The following CACNA1S variants were observed in gnomAD, a reference collection of about 807,000 sequenced individuals.
CACNA1S encodes voltage-dependent L-type calcium channel subunit alpha-1S.
In CACNA1S, 126 loss-of-function variants were observed where a neutral mutation model predicts 207.4. The observed-to-expected ratio is 0.61, with a 90% CI of 0.53 to 0.70. The LOEUF is 0.70. Among genes scored for constraint, CACNA1S ranks in the 30% least tolerant of loss-of-function variants. The probability of loss-of-function intolerance (pLI) is 0.00; values close to 1 mark genes in which losing one functional copy is unlikely to be tolerated. For synonymous variants in CACNA1S, 960 were observed against 932.7 expected (o/e 1.03, Z -0.53); for missense variants, 2,349 against 2,422.8 (o/e 0.97, Z 0.64).
chr1:201,078,226 G>A (rs1661704654), intron 10 of CACNA1S, 122 bp from the exon 11 acceptor site: 2 of 808,146 alleles, frequency 2.5e-6, no homozygotes, highest in Non-Finnish European at 2.2e-6. Flanking sequence ...CACCATGGAT[G>A]TTTTTTGGGG....
At chr1:201,048,776 C>CG in intron 35 of CACNA1S, 92 bp from the exon 36 acceptor site, 1 of 1,158,214 alleles carries the variant, frequency 8.6e-7, no homozygotes, top group South Asian at 1.2e-5. Flanking sequence ...CGGGAGGGGA[C>CG]GGGACACGAG....
intron 41 of CACNA1S, 110 bp downstream of exon 41, chr1:201,041,394 T>C: frequency 1.2e-6 from 1 of 816,598 alleles, no homozygotes; most frequent in Admixed American, 2.0e-5. Context: ...TGTAACAGGC[T>C]CCCAAGCCAG....
In CACNA1S at chr1:201,061,257, G is replaced by A. The variant is rs1572035084; in HGVS notation, c.3255+10C>T. The A allele has an allele frequency of 5.0e-6, 8 of 1,613,258 alleles. No individual in the cohort carries two copies. The highest frequency in any genetic ancestry group is 5.9e-6 in the Non-Finnish European group (7 of 1,179,218). On this transcript the variant is annotated intron_variant, in intron 25 of 43. Coordinates refer to ENST00000362061, the MANE Select transcript of CACNA1S (RefSeq NM_000069.3). ...CTCTGCCCTCCACCTCTGGCAGGCAGCCCAGGCACCTGGTTCTTGTCCAGC... is the reference window on the plus strand; with the variant it reads ...CTCTGCCCTCCACCTCTGGCAGGCAACCCAGGCACCTGGTTCTTGTCCAGC...
At chr1:201,056,630 AT>A (rs1660854522) in intron 28 of CACNA1S, among the ~76,000 whole-genome samples, 1 of 152,190 alleles carries the variant, frequency 6.6e-6, no homozygotes, top group Admixed American at 6.5e-5. Context: ...CCCTCCCAGG[AT>A]GCCACTTGGG....
At chr1:201,052,116 A>G (rs767099849) in intron 32 of CACNA1S, among the ~76,000 whole-genome samples, 7 of 152,184 alleles carry the variant, frequency 4.6e-5, no homozygotes, top group Non-Finnish European at 1.0e-4. Context: ...TCCAAGCTCT[A>G]GCTCCTGTGC....
chr1:201,051,357 AG>A (rs1455385552), intron 32 of CACNA1S, among the ~76,000 whole-genome samples: 4 of 152,220 alleles, frequency 2.6e-5, no homozygotes, highest in African/African-American at 4.8e-5. Flanking sequence ...TGTTACAAGC[AG>A]GAGCTAAACT....
At chr1:201,071,428 C>T (rs1038403199) in intron 16 of CACNA1S, among the ~76,000 whole-genome samples, 1 of 152,188 alleles carries the variant, frequency 6.6e-6, no homozygotes, top group Admixed American at 6.5e-5. Flanking sequence ...ATCGCAGAGA[C>T]CATTAATTCT....
intron 12 of CACNA1S, 31 bp from the exon 13 acceptor site, chr1:201,075,646 A>G: frequency 6.2e-7 from 1 of 1,612,558 alleles, no homozygotes; most frequent in Non-Finnish European, 8.5e-7. Flanking sequence ...GGGCTCGGGA[A>G]CACAGAGGGG....
chr1:201,077,760 A>G, intron 11 of CACNA1S, 119 bp downstream of exon 11: 1 of 658,632 alleles, frequency 1.5e-6, no homozygotes, highest in South Asian at 1.9e-5. Context: ...AAGTCTGGGC[A>G]AGGGACCAGT....
chr1:201,058,578 A>G, intron 27 of CACNA1S, 87 bp from the exon 28 acceptor site: 1 of 1,090,910 alleles, frequency 9.2e-7, no homozygotes, highest in Non-Finnish European at 1.4e-6. Context: ...GTCCCACCCG[A>G]GCTAATGCGG....
rs532682599 is a variant in CACNA1S at position 201,057,324 on chromosome 1, C to T, written c.3609+1084G>A. Among the ~76,000 whole-genome samples the T allele has an allele frequency of 2.6e-5, 4 of 152,372 alleles. 1 individual carries two copies. The highest frequency in any genetic ancestry group is 4.1e-4 in the South Asian group (2 of 4,832). On this transcript the variant is annotated intron_variant, in intron 28 of 43. Coordinates refer to ENST00000362061, the MANE Select transcript of CACNA1S (RefSeq NM_000069.3). ...CGTGTTCTGCCAACACTCTGGCCCC[C>T]GTTCTGGCATGGCTCATGCCCTTGC... is the stretch of plus-strand genomic sequence containing the variant.
At chr1:201,086,069 C>A (rs1291984573) in intron 7 of CACNA1S, among the ~76,000 whole-genome samples, 1 of 152,184 alleles carries the variant, frequency 6.6e-6, no homozygotes, top group Non-Finnish European at 1.5e-5. Context: ...CCCAAGGCTC[C>A]ATGAGGGATC....
Position 201,053,495 on chromosome 1 carries a change from C to A in CACNA1S, c.3759G>T (p.Val1253=), listed in dbSNP as rs1660730013. The A allele has an allele frequency of 4.3e-6, 7 of 1,614,066 alleles. No homozygotes were observed. Among genetic ancestry groups the A allele is most frequent in the Non-Finnish European group, 5.9e-6 (7 of 1,180,030 alleles). ...LIKLLSRAEG[V]RTLLWTFIKS... ...TGATGAACGTCCACAGGAGGGTTCG[C>A]ACTCCTTCTGCCCGGCTCAGCAGCT... The change falls in exon 30 of 44, where the codon GTG becomes GTT. Residue 1253 remains valine (V), a synonymous_variant. Transcript: ENST00000362061. The surrounding 1 kb of genome is among the most constrained non-coding windows in gnomAD (Gnocchi z 5.1).
Position 201,047,601 on chromosome 1 carries a change from C to T in CACNA1S, c.4467G>A (p.Glu1489=), listed in dbSNP as rs1293597531. The T allele has an allele frequency of 7.4e-6, 12 of 1,614,202 alleles. No individual in the cohort carries two copies. Among genetic ancestry groups the T allele is most frequent in the African/African-American group, 1.3e-5 (1 of 75,068 alleles). The part of the protein sequence containing the change: ...TEGNFEQANE[E]LRAIIKKIWK... ...AGATCTTCTTGATGATGGCCCTCAG[C>T]TCCTCGTTGGCCTGCTCAAAGTTAC... The change falls in exon 37 of 44, where the codon GAG becomes GAA. Residue 1489 remains glutamate, a synonymous_variant. Transcript: ENST00000362061.
At chr1:201,043,239 C>G in intron 40 of CACNA1S, 42 bp downstream of exon 40, 2 of 1,613,614 alleles carry the variant, frequency 1.2e-6, no homozygotes, top group Non-Finnish European at 1.7e-6. Context: ...ACATTGTCCT[C>G]CCAGTACCTC....
intron 12 of CACNA1S, among the ~76,000 whole-genome samples, chr1:201,075,994 G>A (rs557598025): frequency 6.6e-6 from 1 of 152,306 alleles, no homozygotes; most frequent in African/African-American, 2.4e-5. Context: ...CTTGAACCCA[G>A]GAGGTGGAGG....
At position 201,039,568 on chromosome 1, in the gene CACNA1S, G is replaced by A. The variant is rs1407042777; in HGVS notation, c.*263C>T. ...GTCCTGCAGGTGGGAGTGGCCCTAG[G>A]CCAGACAGGCACTGACCAGGCCTTT... On this transcript the variant is annotated 3_prime_UTR_variant, in exon 44 of 44. Transcript: ENST00000362061. The A allele has an allele frequency of 5.3e-6, 3 of 567,556 alleles. No individual in the cohort carries two copies. The highest frequency in any genetic ancestry group is 6.1e-5 in the Admixed American group (2 of 32,608). The allele number at this position is 567,556 out of a possible 1,614,324, so 35.2% of individuals were successfully genotyped here.
At chr1:201,044,879 C>T (rs1476901361) in intron 38 of CACNA1S, among the ~76,000 whole-genome samples, 1 of 152,140 alleles carries the variant, frequency 6.6e-6, no homozygotes, top group Non-Finnish European at 1.5e-5. Flanking sequence ...CAGCCTAGGC[C>T]CCACTCTCCC....
At chr1:201,096,000 C>T (rs145017936) in intron 2 of CACNA1S, among the ~76,000 whole-genome samples, 37 of 152,344 alleles carry the variant, frequency 2.4e-4, no homozygotes, top group African/African-American at 8.2e-4. Context: ...CAGGTTGCTG[C>T]AACCCCAGAG....
Sources: gnomAD v4.1 joint callset for allele counts (sites outside exome capture counted in the v4.1 genomes callset) on GRCh38, gnomAD v4.1.1 for gene constraint, Gnocchi (gnomAD v3.1) non-coding constraint, MANE v1.5 for transcripts, NCBI Gene and HGNC (gene_info 2026-07-23, HGNC 2026-07-21) for gene names.